PCNX2: variants seen among roughly 807,000 people sequenced by gnomAD.
The protein encoded by PCNX2 is pecanex 2.
PCNX2 carries 168 observed loss-of-function variants against 223.8 expected under a neutral mutation model. The ratio of observed to expected loss-of-function variants is 0.75; its 90% CI spans 0.66 to 0.85. PCNX2 has a LOEUF of 0.85. Among genes scored for constraint, PCNX2 ranks in the 40% least tolerant of loss-of-function variants. The probability of loss-of-function intolerance (pLI) is 0.00; values close to 1 mark genes in which losing one functional copy is unlikely to be tolerated. For missense variants in PCNX2, 2,507 were observed against 2,675.5 expected (o/e 0.94, Z 1.39); for synonymous variants, 1,006 against 1,052.6 (o/e 0.96, Z 0.86).
At chr1:233,069,651 C>T (rs1274380744) in intron 23 of PCNX2, among the ~76,000 whole-genome samples, 1 of 146,680 alleles carries the variant, frequency 6.8e-6, no homozygotes, top group East Asian at 2.0e-4. Context: ...TGGAAACACA[C>T]ACAAAAAAAA....
At chr1:233,316,773 G>A in the PCNX2 span, among the ~76,000 whole-genome samples, 9 of 152,038 alleles carry the variant, frequency 5.9e-5, no homozygotes, top group Non-Finnish European at 1.0e-4. Flanking sequence ...TGAATACCAG[G>A]TTAACCCCCT....
chr1:233,099,450 T>C (rs2102954963), intron 21 of PCNX2, among the ~76,000 whole-genome samples: 1 of 152,234 alleles, frequency 6.6e-6, no homozygotes, highest in East Asian at 1.9e-4. Flanking sequence ...ATTAATAAAA[T>C]ATGATACTAC....
intron 25 of PCNX2, among the ~76,000 whole-genome samples, chr1:233,040,703 G>A (rs1050757648): frequency 7.2e-5 from 11 of 151,920 alleles, no homozygotes; most frequent in Non-Finnish European, 1.3e-4. Flanking sequence ...GCCTCCTGCC[G>A]TCACTCTTGG....
Position 233,001,517 on chromosome 1 carries a change from T to G in PCNX2, c.5097+20A>C, listed in dbSNP as rs767759093. ...ATAAATAAATAAATAAATAAATAAA[T>G]AAATAAAATAGGTTTTTACCTGGTG... On this transcript the variant is annotated intron_variant, in intron 29 of 33. Transcript: ENST00000258229. This position sits in a 1 kb window ranked among gnomAD's most constrained non-coding sequence, Gnocchi z 4.2. The G allele has an allele frequency of 6.0e-5, 74 of 1,240,500 alleles. 1 individual carries two copies. In the African/African-American group the frequency reaches 1.0e-3, roughly 18 times the overall value. 76.8% of individuals were successfully genotyped at this position (1,240,500 alleles called of 1,614,324 possible). A position where few individuals can be genotyped will look rare whatever the true frequency, so the allele number is the denominator to read the frequency against.
intron 10 of PCNX2, 114 bp from the exon 11 acceptor site, chr1:233,218,298 G>C (rs1256186684): frequency 1.9e-5 from 18 of 935,846 alleles, no homozygotes; most frequent in Non-Finnish European, 2.4e-5. Context: ...GCCCAGGCTG[G>C]AGTGCAGTGG....
chr1:232,987,053 G>A (rs1339079010), intron 32 of PCNX2, among the ~76,000 whole-genome samples: 1 of 152,226 alleles, frequency 6.6e-6, no homozygotes, highest in Non-Finnish European at 1.5e-5. Context: ...GAAGAAAGGG[G>A]AGGAGAGCTG....
chr1:233,064,815 G>A lies in PCNX2; in HGVS notation c.4077-7525C>T, dbSNP rs1444858047. ...GATTATCTAGTCTGCTACATCTCTG[G>A]AACTGAAAACTTCTAAACCAGATTT... On this transcript the variant is annotated intron_variant, in intron 23 of 33. Transcript: ENST00000258229. Among the ~76,000 whole-genome samples the A allele has an allele frequency of 2.0e-5, 3 of 151,800 alleles. No individual in the cohort carries two copies. The South Asian group carries it at 6.2e-4, about 32-fold the overall frequency.
chr1:233,313,582 A>T, the PCNX2 span, among the ~76,000 whole-genome samples: 1 of 152,130 alleles, frequency 6.6e-6, no homozygotes, highest in Non-Finnish European at 1.5e-5. Context: ...AGAAAAAGAG[A>T]AAGTGGGGAG....
At chr1:233,106,598 C>T (rs1302218343) in intron 21 of PCNX2, among the ~76,000 whole-genome samples, 1 of 151,904 alleles carries the variant, frequency 6.6e-6, no homozygotes, top group African/African-American at 2.4e-5. Flanking sequence ...GTGATCCGCC[C>T]GCCTCAGCCT....
At chr1:233,308,857 A>AGCACAAAATGTGATATAAAATG in the PCNX2 span, among the ~76,000 whole-genome samples, 5 of 152,212 alleles carry the variant, frequency 3.3e-5, no homozygotes, top group Non-Finnish European at 7.3e-5. Flanking sequence ...AAACAAATGA[A>AGCACAAAATGTGATATAAAATG]GCACAAAATG....
rs1486632013 is a variant in PCNX2, at chr1:232,990,295, C to T, written c.5792-3755G>A. 6.6e-6 allele frequency among the ~76,000 whole-genome samples: 1 copy of T among 152,202 alleles called. No individual in the cohort carries two copies. Among genetic ancestry groups the T allele is most frequent in the Non-Finnish European group, 1.5e-5 (1 of 68,042 alleles). ...TTGCTCTCCTTGGAACCTGGGCTAC[C>T]TGCACACTGGGTCTCAGGTGCAGTG... is the stretch of plus-strand genomic sequence containing the variant. On this transcript the variant is annotated intron_variant, in intron 32 of 33. Coordinates refer to ENST00000258229, the MANE Select transcript of PCNX2 (RefSeq NM_014801.4). The surrounding 1 kb of genome is among the most constrained non-coding windows in gnomAD (Gnocchi z 4.3).
intron 21 of PCNX2, among the ~76,000 whole-genome samples, chr1:233,114,920 G>GTGAA (rs1675319217): frequency 6.6e-6 from 1 of 152,136 alleles, no homozygotes; most frequent in African/African-American, 2.4e-5. Flanking sequence ...GGTTCTCATG[G>GTGAA]TGAAGATCAA....
At chr1:233,261,967 T>A in intron 3 of PCNX2, 78 bp downstream of exon 3, 1 of 1,573,598 alleles carries the variant, frequency 6.4e-7, no homozygotes, top group Admixed American at 1.7e-5. Flanking sequence ...CAATCACTGC[T>A]GCTGAACACT....
chr1:233,156,498 C>T (rs1198428255), intron 19 of PCNX2, among the ~76,000 whole-genome samples: 2 of 152,154 alleles, frequency 1.3e-5, no homozygotes, highest in East Asian at 3.9e-4. Flanking sequence ...CGCTAGCTGA[C>T]ATGGAGCTCA....
intron 23 of PCNX2, among the ~76,000 whole-genome samples, chr1:233,062,233 G>A (rs1217953134): frequency 6.6e-6 from 1 of 152,062 alleles, no homozygotes. Context: ...CATATCCCAT[G>A]GGCACCTGAA....
At chr1:233,162,328 C>A (rs1299460256) in intron 17 of PCNX2, among the ~76,000 whole-genome samples, 1 of 152,170 alleles carries the variant, frequency 6.6e-6, no homozygotes, top group Non-Finnish European at 1.5e-5. Context: ...CACACTGTTA[C>A]CTGAAAAGTC....
chr1:233,057,716 A>T (rs571292434), intron 23 of PCNX2: 6 of 220,990 alleles, frequency 2.7e-5, no homozygotes, highest in Non-Finnish European at 4.6e-5. Flanking sequence ...CTAAAAATAC[A>T]AAAAGATTAG....
intron 1 of PCNX2, among the ~76,000 whole-genome samples, chr1:233,269,070 T>A (rs1159182067): frequency 1.3e-5 from 2 of 152,230 alleles, no homozygotes; most frequent in Non-Finnish European, 2.9e-5. Flanking sequence ...GATATTAATA[T>A]CAGTCACATT....
At chr1:233,144,582 T>C (rs1021321955) in intron 19 of PCNX2, among the ~76,000 whole-genome samples, 2 of 152,242 alleles carry the variant, frequency 1.3e-5, no homozygotes, top group Admixed American at 6.5e-5. Flanking sequence ...CTGCCCTGTG[T>C]AGAGTGGTAT....
Sources: gnomAD v4.1 joint callset for allele counts (sites outside exome capture counted in the v4.1 genomes callset) on GRCh38, gnomAD v4.1.1 for gene constraint, Gnocchi (gnomAD v3.1) non-coding constraint, MANE v1.5 for transcripts, NCBI Gene and HGNC (gene_info 2026-07-23, HGNC 2026-07-21) for gene names.